UGT1A8: variants seen among roughly 807,000 people sequenced by gnomAD.
UGT1A8 encodes UDP glucuronosyltransferase family 1 member A8.
In UGT1A8, 39 loss-of-function variants were observed where a neutral mutation model predicts 45.3. The observed-to-expected ratio is 0.86, with a 90% CI of 0.67 to 1.12. The LOEUF is 1.12. Among genes scored for constraint, UGT1A8 ranks in the 50% most tolerant of loss-of-function variants. The pLI is 0.00. For missense variants in UGT1A8, 719 were observed against 664.9 expected (o/e 1.08, Z -0.90); for synonymous variants, 275 against 249.2 (o/e 1.10, Z -0.97).
At chr2:233,697,876 C>T (rs533804115) in intron 1 of UGT1A8, among the ~76,000 whole-genome samples, 2 of 152,156 alleles carry the variant, frequency 1.3e-5, no homozygotes, top group South Asian at 4.1e-4. Flanking sequence ...TTAATGATTT[C>T]TTACCATTGA....
At chr2:233,759,710 G>A (rs746376626) in intron 1 of UGT1A8, among the ~76,000 whole-genome samples, 35 of 151,652 alleles carry the variant, frequency 2.3e-4, no homozygotes, top group East Asian at 9.7e-4. Flanking sequence ...GCGCGTGCTC[G>A]TGTGGTGGGC....
intron 1 of UGT1A8, among the ~76,000 whole-genome samples, chr2:233,670,115 A>G (rs530435071): frequency 6.6e-6 from 1 of 152,362 alleles, no homozygotes; most frequent in Non-Finnish European, 1.5e-5. Context: ...CTGTATTATC[A>G]TAATGAAGTC....
intron 1 of UGT1A8, among the ~76,000 whole-genome samples, chr2:233,683,236 G>C (rs979242984): frequency 6.6e-6 from 1 of 151,942 alleles, no homozygotes; most frequent in African/African-American, 2.4e-5. Context: ...CTACTATCAT[G>C]CTGGCTATGT....
chr2:233,623,675 C>A (rs1233851201), intron 1 of UGT1A8, among the ~76,000 whole-genome samples: 1 of 152,156 alleles, frequency 6.6e-6, no homozygotes, highest in Middle Eastern at 3.4e-3. Flanking sequence ...CCCCCATTTT[C>A]TTGAACAACA....
intron 1 of UGT1A8, among the ~76,000 whole-genome samples, chr2:233,630,737 T>C (rs2073171809): frequency 6.6e-6 from 1 of 151,868 alleles, no homozygotes; most frequent in Admixed American, 6.6e-5. Context: ...TTAATTTTTA[T>C]TTTTATTTCT....
chr2:233,718,717 C>A (rs1286763118), intron 1 of UGT1A8: 9 of 1,608,524 alleles, frequency 5.6e-6, no homozygotes, highest in Non-Finnish European at 7.6e-6. Flanking sequence ...CAATTACATG[C>A]TGATTTGCTA....
chr2:233,715,254 A>G (rs547164013), intron 1 of UGT1A8, among the ~76,000 whole-genome samples: 219 of 152,274 alleles, frequency 1.4e-3, no homozygotes, highest in African/African-American at 5.0e-3. Context: ...CTTTTAAAAA[A>G]TCCCCTTACA....
At chr2:233,682,245 G>A (rs1291217624) in intron 1 of UGT1A8, 4 of 1,614,104 alleles carry the variant, frequency 2.5e-6, no homozygotes, top group Non-Finnish European at 3.4e-6. Context: ...GCACCATTGC[G>A]AAGTGCATTT....
intron 1 of UGT1A8, among the ~76,000 whole-genome samples, chr2:233,638,308 G>A (rs754211877): frequency 1.3e-5 from 2 of 152,032 alleles, no homozygotes; most frequent in Non-Finnish European, 2.9e-5. Flanking sequence ...ACAGGGCAAT[G>A]TTTCCATTTC....
chr2:233,735,687 T>A (rs1251778606), intron 1 of UGT1A8, among the ~76,000 whole-genome samples: 1 of 152,148 alleles, frequency 6.6e-6, no homozygotes, highest in Non-Finnish European at 1.5e-5. Context: ...CTTTAGGAGC[T>A]CTTGTAAGGC....
chr2:233,719,078 G>A, intron 1 of UGT1A8: 11 of 1,614,254 alleles, frequency 6.8e-6, no homozygotes, highest in Non-Finnish European at 9.3e-6. Context: ...CATGGACCCA[G>A]AAGGAATTTG....
At chr2:233,647,618 C>A (rs948542291) in intron 1 of UGT1A8, among the ~76,000 whole-genome samples, 2 of 152,182 alleles carry the variant, frequency 1.3e-5, no homozygotes, top group Non-Finnish European at 2.9e-5. Context: ...TAAAGTCTGA[C>A]AGCTTGTGTC....
At chr2:233,688,019 T>A (rs2074875206) in intron 1 of UGT1A8, among the ~76,000 whole-genome samples, 1 of 152,220 alleles carries the variant, frequency 6.6e-6, no homozygotes, top group African/African-American at 2.4e-5. Context: ...CAATCAACCA[T>A]CACCAATATC....
At chr2:233,672,022 G>C in intron 1 of UGT1A8, 1 of 1,614,160 alleles carries the variant, frequency 6.2e-7, no homozygotes, top group Admixed American at 1.7e-5. Context: ...GAAGCTACTG[G>C]TAGTGCCCAT....
At chr2:233,694,242 C>T (rs2075207080) in intron 1 of UGT1A8, among the ~76,000 whole-genome samples, 2 of 151,944 alleles carry the variant, frequency 1.3e-5, no homozygotes, top group Non-Finnish European at 2.9e-5. Context: ...GTCTCTGGAC[C>T]TTGAGCCAGG....
chr2:233,668,309 G>A (rs1010805757), intron 1 of UGT1A8, among the ~76,000 whole-genome samples: 1 of 152,016 alleles, frequency 6.6e-6, no homozygotes, highest in Non-Finnish European at 1.5e-5. Flanking sequence ...TGCAATGTTT[G>A]GTTTTCCGTC....
chr2:233,661,640 T>TTTCTTTCC (rs2073969193), intron 1 of UGT1A8, among the ~76,000 whole-genome samples: 3 of 138,510 alleles, frequency 2.2e-5, no homozygotes, highest in African/African-American at 7.7e-5. Context: ...TCTTTCTTTC[T>TTTCTTTCC]TTCTTTCTTT....
At chr2:233,683,174 TA>T (rs767709977) in intron 1 of UGT1A8, among the ~76,000 whole-genome samples, 1 of 152,202 alleles carries the variant, frequency 6.6e-6, no homozygotes, top group Non-Finnish European at 1.5e-5. Context: ...TTATACTATG[TA>T]TATGCATATA....
intron 1 of UGT1A8, among the ~76,000 whole-genome samples, chr2:233,719,840 T>A (rs2076807243): frequency 6.6e-6 from 1 of 152,240 alleles, no homozygotes; most frequent in South Asian, 2.1e-4. Flanking sequence ...GCCTAGTGTA[T>A]TTCAAGTTTT....
Sources: allele counts gnomAD v4.1 joint callset (sites outside exome capture counted in the v4.1 genomes callset), GRCh38; gene constraint gnomAD v4.1.1; transcripts MANE v1.5; gene names NCBI Gene and HGNC (gene_info 2026-07-23, HGNC 2026-07-21).